FTO: variants seen among roughly 807,000 people sequenced by gnomAD.
The protein encoded by FTO is FTO alpha-ketoglutarate dependent dioxygenase.
In FTO, 47 loss-of-function variants were observed where a neutral mutation model predicts 63.9. That is an observed-to-expected ratio of 0.74 (90% CI 0.58 to 0.94). The LOEUF is 0.94. FTO is among the 40% of genes least tolerant of loss of function. The pLI, the probability that FTO is intolerant of heterozygous loss-of-function variation, is 0.00. For synonymous variants in FTO, 207 were observed against 224.4 expected (o/e 0.92, Z 0.69); for missense variants, 562 against 618.1 (o/e 0.91, Z 0.96).
At chr16:53,775,897 C>T (rs1301417144) in intron 1 of FTO, among the ~76,000 whole-genome samples, 2 of 151,938 alleles carry the variant, frequency 1.3e-5, no homozygotes, top group Admixed American at 6.6e-5. Context: ...TTACCTATAT[C>T]GTTAGTTTTC....
At chr16:53,755,963 T>C (rs182548309) in intron 1 of FTO, among the ~76,000 whole-genome samples, 1 of 152,334 alleles carries the variant, frequency 6.6e-6, no homozygotes, top group East Asian at 1.9e-4. Flanking sequence ...TTTTGTCACT[T>C]GTAGGCAAAT....
At chr16:53,774,295 A>G (rs1004723102) in intron 1 of FTO, among the ~76,000 whole-genome samples, 4 of 152,162 alleles carry the variant, frequency 2.6e-5, no homozygotes, top group African/African-American at 9.7e-5. Flanking sequence ...GTAAAAGTGA[A>G]ACAATAACTT....
chr16:53,881,988 G>A (rs1349336468), intron 6 of FTO, among the ~76,000 whole-genome samples: 2 of 152,074 alleles, frequency 1.3e-5, no homozygotes, highest in African/African-American at 4.8e-5. Context: ...GGTAATGGTT[G>A]CACAGCTTTA....
rs369905173 is a variant in FTO at position 53,896,737 on chromosome 16, G to A, written c.1239+7786G>A. On this transcript the variant is annotated intron_variant, in intron 7 of 8. Coordinates refer to ENST00000471389, the MANE Select transcript of FTO (RefSeq NM_001080432.3). Reference sequence around the variant, plus strand: ...ATCCTTACTTCGAGGCCGGTTGACCGAGTCTTCCTTATTGACAGCATCCCT... The same window carrying A: ...ATCCTTACTTCGAGGCCGGTTGACCAAGTCTTCCTTATTGACAGCATCCCT... Among the ~76,000 whole-genome samples, 6 of 152,294 alleles carry A rather than the reference G, an allele frequency of 3.9e-5. No individual in the cohort carries two copies. In the East Asian group the frequency reaches 9.6e-4, roughly 24 times the overall value.
intron 8 of FTO, among the ~76,000 whole-genome samples, chr16:54,078,063 C>T (rs1647658797): frequency 6.6e-6 from 1 of 152,082 alleles, no homozygotes; most frequent in South Asian, 2.1e-4. Context: ...AATAATAAAA[C>T]TAAGAGTCAG....
chr16:53,914,703 T>A (rs886086097), intron 7 of FTO, among the ~76,000 whole-genome samples: 1 of 152,200 alleles, frequency 6.6e-6, no homozygotes, highest in Non-Finnish European at 1.5e-5. Flanking sequence ...CTTAAGGGAC[T>A]CACTAAAATA....
chr16:53,751,468 A>T (rs1296489563), intron 1 of FTO, among the ~76,000 whole-genome samples: 3 of 152,114 alleles, frequency 2.0e-5, no homozygotes, highest in African/African-American at 7.2e-5. Flanking sequence ...AAAAAAAAAA[A>T]TTTAAAAAGA....
intron 3 of FTO, among the ~76,000 whole-genome samples, chr16:53,838,499 C>T (rs774672878): frequency 3.3e-5 from 5 of 151,144 alleles, no homozygotes; most frequent in East Asian, 2.0e-4. Context: ...TTAGTAGAGA[C>T]GGGATTTCAC....
At chr16:53,943,582 A>C (rs2082587019) in intron 8 of FTO, among the ~76,000 whole-genome samples, 1 of 152,200 alleles carries the variant, frequency 6.6e-6, no homozygotes, top group Non-Finnish European at 1.5e-5. Flanking sequence ...TCTTTCATGG[A>C]GCTTATATTC....
At position 53,947,824 on chromosome 16, in the gene FTO, G is replaced by A. The variant is rs1396957632; in HGVS notation, c.1364+13715G>A. Among the ~76,000 whole-genome samples the A allele has an allele frequency of 3.3e-5, 5 of 152,142 alleles. No individual in the cohort carries two copies. In the East Asian group the frequency reaches 9.6e-4, roughly 29 times the overall value. On this transcript the variant is annotated intron_variant, in intron 8 of 8. Coordinates refer to ENST00000471389, the MANE Select transcript of FTO (RefSeq NM_001080432.3). ...AGTTACTGTAAATGATCTTTCTGCT[G>A]TTGGTACTTCATTTGAAATTCTGCA...
At chr16:53,705,451 G>A (rs1400689963) in intron 1 of FTO, among the ~76,000 whole-genome samples, 1 of 152,156 alleles carries the variant, frequency 6.6e-6, no homozygotes, top group African/African-American at 2.4e-5. Context: ...CAGGGCCTTT[G>A]CACATGTCAT....
At chr16:53,723,318 T>G (rs1341490119) in intron 1 of FTO, among the ~76,000 whole-genome samples, 4 of 152,216 alleles carry the variant, frequency 2.6e-5, no homozygotes, top group Non-Finnish European at 5.9e-5. Context: ...TCAAATGATA[T>G]AGTATGCTGA....
chr16:54,112,093 C>T lies in FTO; in HGVS notation c.*178C>T, dbSNP rs751226146. ...TGAAGTTTTAAATGTTTTAAAATGACCCTGTGTTATAGTCTGATTTGGTGT... is the reference window on the plus strand; with the variant it reads ...TGAAGTTTTAAATGTTTTAAAATGATCCTGTGTTATAGTCTGATTTGGTGT... On this transcript the variant is annotated 3_prime_UTR_variant, in exon 9 of 9. Coordinates refer to ENST00000471389, the MANE Select transcript of FTO (RefSeq NM_001080432.3). The T allele has an allele frequency of 1.5e-6, 1 of 673,562 alleles. No homozygotes were observed. The highest frequency in any genetic ancestry group is 2.6e-6 in the Non-Finnish European group (1 of 386,328). The allele number at this position is 673,562 out of a possible 1,614,324, so 41.7% of individuals were successfully genotyped here.
chr16:53,902,318 C>A (rs950551591), intron 7 of FTO, among the ~76,000 whole-genome samples: 1 of 152,112 alleles, frequency 6.6e-6, no homozygotes, highest in Non-Finnish European at 1.5e-5. Context: ...ATCTTCTCTT[C>A]CTTTTTGGAA....
rs2086946571 is a variant in FTO, at chr16:54,114,082, G to T, written c.*2167G>T. 6.6e-6 allele frequency: 1 copy of T among 152,178 alleles called. No individual in the cohort carries two copies. Among genetic ancestry groups the T allele is most frequent in the African/African-American group, 2.4e-5 (1 of 41,408 alleles). The allele number at this position is 152,178 out of a possible 1,614,324, so 9.4% of individuals were successfully genotyped here. On this transcript the variant is annotated 3_prime_UTR_variant, in exon 9 of 9. Coordinates refer to ENST00000471389, the MANE Select transcript of FTO (RefSeq NM_001080432.3). The stretch of plus-strand genomic sequence containing the variant: ...GTCTCCCAAAGCGCTGGGATTACAG[G>T]CGTGAGCCACCGCGCCAAGCCAAGG...
intron 2 of FTO, among the ~76,000 whole-genome samples, chr16:53,817,987 T>A (rs1186183697): frequency 1.3e-5 from 2 of 152,222 alleles, no homozygotes; most frequent in Middle Eastern, 3.2e-3. Context: ...GAAAAAACTC[T>A]AATGGGATTA....
intron 8 of FTO, among the ~76,000 whole-genome samples, chr16:54,006,713 G>T (rs1049517329): frequency 2.0e-5 from 3 of 152,224 alleles, no homozygotes; most frequent in African/African-American, 7.2e-5. Flanking sequence ...AAACTGCAGA[G>T]AACTAGAACT....
At chr16:53,775,153 C>T (rs553041299) in intron 1 of FTO, among the ~76,000 whole-genome samples, 1 of 152,212 alleles carries the variant, frequency 6.6e-6, no homozygotes, top group African/African-American at 2.4e-5. Context: ...GTGCTGAGTG[C>T]CACCATATCT....
At chr16:53,867,029 A>G (rs2080337787) in intron 4 of FTO, among the ~76,000 whole-genome samples, 3 of 152,138 alleles carry the variant, frequency 2.0e-5, no homozygotes, top group African/African-American at 7.2e-5. Context: ...ATTTAATGCT[A>G]TAAATTCTCC....
Sources: allele counts gnomAD v4.1 joint callset (sites outside exome capture counted in the v4.1 genomes callset), GRCh38; gene constraint gnomAD v4.1.1; transcripts MANE v1.5; gene names NCBI Gene and HGNC (gene_info 2026-07-23, HGNC 2026-07-21).